The following RIMS2 variants were observed in gnomAD, a reference collection of about 807,000 sequenced individuals.
RIMS2 encodes regulating synaptic membrane exocytosis protein 2.
RIMS2 carries 59 observed loss-of-function variants against 174.4 expected under a neutral mutation model. The ratio of observed to expected loss-of-function variants is 0.34; its 90% CI spans 0.27 to 0.42. RIMS2 has a LOEUF of 0.42. Ranked by LOEUF, RIMS2 falls within the 10% of genes least tolerant of loss-of-function variation. RIMS2 has a pLI of 1.00. For missense variants in RIMS2, 1,620 were observed against 1,666.3 expected (o/e 0.97, Z 0.48); for synonymous variants, 606 against 572.5 (o/e 1.06, Z -0.84).
At chr8:103,754,560 G>A (rs2097951704) in intron 2 of RIMS2, among the ~76,000 whole-genome samples, 2 of 152,150 alleles carry the variant, frequency 1.3e-5, no homozygotes, top group Admixed American at 6.5e-5. Flanking sequence ...TTGTGTGGGA[G>A]TCTAAGTCTC....
intron 19 of RIMS2, among the ~76,000 whole-genome samples, chr8:104,088,530 A>G (rs1293171994): frequency 6.6e-6 from 1 of 152,006 alleles, no homozygotes; most frequent in East Asian, 1.9e-4. Context: ...ATAGCATGAG[A>G]CTTGTTTTTC....
At chr8:104,199,483 G>A (rs1015787990) in intron 19 of RIMS2, among the ~76,000 whole-genome samples, 5 of 152,204 alleles carry the variant, frequency 3.3e-5, no homozygotes, top group African/African-American at 1.2e-4. Flanking sequence ...AAACAGCACT[G>A]TTAGAGTGAT....
At chr8:103,800,351 G>T (rs942364328) in intron 3 of RIMS2, among the ~76,000 whole-genome samples, 1 of 151,926 alleles carries the variant, frequency 6.6e-6, no homozygotes, top group Admixed American at 6.6e-5. Flanking sequence ...TTACTGGCTA[G>T]TGCCTCCACT....
At chr8:104,079,598 GATATATATATATATATATATATATAT>G (rs5893676) in intron 19 of RIMS2, among the ~76,000 whole-genome samples, 14 of 50,996 alleles carry the variant, frequency 2.7e-4, no homozygotes, top group Non-Finnish European at 3.3e-4. Flanking sequence ...GATTAAGCAT[GATATATATATATATATATATATATAT>G]ATATATATAT....
intron 1 of RIMS2, among the ~76,000 whole-genome samples, chr8:103,645,813 A>T (rs2096316000): frequency 6.6e-6 from 1 of 152,138 alleles, no homozygotes; most frequent in Non-Finnish European, 1.5e-5. Flanking sequence ...GAATAATTTA[A>T]TTTTAATAAA....
chr8:103,590,317 A>T (rs2094189977), intron 1 of RIMS2, among the ~76,000 whole-genome samples: 1 of 151,472 alleles, frequency 6.6e-6, no homozygotes. Context: ...GCTTCAGGAT[A>T]CAAAAATCAT....
chr8:103,587,468 G>GAAAGAAAGAAAGAAA (rs35539559), intron 1 of RIMS2, among the ~76,000 whole-genome samples: 1,278 of 96,402 alleles, frequency 0.013, 29 homozygotes, highest in Middle Eastern at 0.018. Context: ...AAGAAAGAAA[G>GAAAGAAAGAAAGAAA]AAACTATGCA....
chr8:104,041,223 G>A, intron 19 of RIMS2, 103 bp from the exon 22 acceptor site: 1 of 503,688 alleles, frequency 2.0e-6, no homozygotes, highest in Admixed American at 3.3e-5. Flanking sequence ...TTCTCAAAAT[G>A]ATCTGAGGCC....
At chr8:104,078,119 A>G (rs1484315974) in intron 19 of RIMS2, among the ~76,000 whole-genome samples, 2 of 151,818 alleles carry the variant, frequency 1.3e-5, no homozygotes, top group Non-Finnish European at 2.9e-5. Context: ...AACCTGGGCA[A>G]CAAGAGCAAG....
intron 1 of RIMS2, among the ~76,000 whole-genome samples, chr8:103,686,190 C>T (rs535330955): frequency 6.6e-6 from 1 of 152,092 alleles, no homozygotes; most frequent in East Asian, 1.9e-4. Context: ...ATCCTGTGAC[C>T]TTGCTAAATT....
At chr8:103,881,477 C>T (rs919862979) in intron 3 of RIMS2, among the ~76,000 whole-genome samples, 7 of 151,194 alleles carry the variant, frequency 4.6e-5, no homozygotes, top group Non-Finnish European at 1.0e-4. Flanking sequence ...GCATGTAAAC[C>T]CTGGATGCCT....
intron 3 of RIMS2, chr8:103,768,695 G>C: frequency 1.3e-6 from 1 of 773,130 alleles, no homozygotes; most frequent in South Asian, 1.3e-5. Flanking sequence ...AAAAGAGCTA[G>C]CAGAATCCAC....
intron 19 of RIMS2, among the ~76,000 whole-genome samples, chr8:104,150,514 C>T (rs997550986): frequency 1.3e-5 from 2 of 152,136 alleles, no homozygotes; most frequent in Non-Finnish European, 2.9e-5. Flanking sequence ...CAACCTGGAA[C>T]TCCAGGAATG....
At chr8:103,859,785 G>T (rs543306125) in intron 3 of RIMS2, among the ~76,000 whole-genome samples, 7 of 152,172 alleles carry the variant, frequency 4.6e-5, no homozygotes, top group African/African-American at 1.7e-4. Flanking sequence ...TTGTTATGTG[G>T]TCTAGCAGTC....
chr8:104,063,899 G>A (rs936450074), intron 19 of RIMS2, among the ~76,000 whole-genome samples: 3 of 152,098 alleles, frequency 2.0e-5, no homozygotes, highest in Non-Finnish European at 4.4e-5. Flanking sequence ...CTGTCTTTGT[G>A]TCAGGAGTGT....
chr8:103,771,300 T>C (rs1394139318), intron 3 of RIMS2, among the ~76,000 whole-genome samples: 1 of 152,184 alleles, frequency 6.6e-6, no homozygotes, highest in Non-Finnish European at 1.5e-5. Context: ...CTGGATTTTT[T>C]TCTGGTTAAG....
intron 3 of RIMS2, among the ~76,000 whole-genome samples, chr8:103,772,132 T>G (rs1248657085): frequency 6.6e-6 from 1 of 151,972 alleles, no homozygotes; most frequent in Non-Finnish European, 1.5e-5. Context: ...TACTTCTGCT[T>G]CTAGTACAAA....
intron 3 of RIMS2, among the ~76,000 whole-genome samples, chr8:103,792,135 A>G (rs1033609501): frequency 6.6e-6 from 1 of 152,178 alleles, no homozygotes; most frequent in Non-Finnish European, 1.5e-5. Flanking sequence ...TCAGCACCAC[A>G]TCGCACTTAT....
intron 19 of RIMS2, among the ~76,000 whole-genome samples, chr8:104,113,040 C>T (rs534774849): frequency 6.6e-6 from 1 of 152,044 alleles, no homozygotes. Flanking sequence ...ATGGTTCATT[C>T]TTAAAATTGT....
Sources: gnomAD v4.1 joint callset for allele counts (sites outside exome capture counted in the v4.1 genomes callset) on GRCh38, gnomAD v4.1.1 for gene constraint, MANE v1.5 for transcripts, NCBI Gene and HGNC (gene_info 2026-07-23, HGNC 2026-07-21) for gene names.